Variants in RARB observed in about 807,000 individuals in gnomAD.
The protein encoded by RARB is HBV-activated protein.
Under a neutral mutation model 51.9 loss-of-function variants are expected in RARB, and 17 were observed. The ratio of observed to expected loss-of-function variants is 0.33; its 90% CI spans 0.22 to 0.49. The LOEUF (loss-of-function observed/expected upper bound fraction) is 0.49, where lower values mean the gene tolerates loss of function less well. Ranked by LOEUF, RARB falls within the 20% of genes least tolerant of loss-of-function variation. The probability of loss-of-function intolerance (pLI) is 0.99; values close to 1 mark genes in which losing one functional copy is unlikely to be tolerated. For missense variants in RARB, 369 were observed against 550.8 expected, an observed-to-expected ratio of 0.67 and a Z score of 3.30; for synonymous variants, 215 against 195.4, an observed-to-expected ratio of 1.10 and a Z score of -0.84.
intron 4 of RARB, among the ~76,000 whole-genome samples, chr3:25,147,226 T>C (rs1700208150): frequency 6.6e-6 from 1 of 152,164 alleles, no homozygotes; most frequent in African/African-American, 2.4e-5. Context: ...TAGGTGATTA[T>C]CTTCAGGTGG....
intron 5 of RARB, among the ~76,000 whole-genome samples, chr3:25,253,078 G>T (rs2125402870): frequency 6.6e-6 from 1 of 152,238 alleles, no homozygotes; most frequent in South Asian, 2.1e-4. Context: ...ATTACATGTG[G>T]GAGGTAGATG....
intron 1 of RARB, among the ~76,000 whole-genome samples, chr3:25,430,642 G>A (rs1708166070): frequency 6.6e-6 from 1 of 152,208 alleles, no homozygotes; most frequent in African/African-American, 2.4e-5. Context: ...TCTAGGGAGA[G>A]CGAGCGGTGA....
At chr3:24,961,262 G>A (rs1040205380) in intron 2 of RARB, among the ~76,000 whole-genome samples, 1 of 152,194 alleles carries the variant, frequency 6.6e-6, no homozygotes, top group East Asian at 1.9e-4. Flanking sequence ...CAGGTACCCT[G>A]CTAGAATAGT....
chr3:25,152,718 C>T (rs138251828), intron 4 of RARB, among the ~76,000 whole-genome samples: 147 of 152,286 alleles, frequency 9.7e-4, no homozygotes, highest in African/African-American at 3.4e-3. Flanking sequence ...TTAGACTCTA[C>T]ATAGTTCCTA....
chr3:25,447,424 G>A (rs1439842064), intron 1 of RARB, among the ~76,000 whole-genome samples: 6 of 152,178 alleles, frequency 3.9e-5, no homozygotes, highest in Admixed American at 6.5e-5. Flanking sequence ...GTCTGTTTGC[G>A]TGGGCAGGAG....
At chr3:25,201,620 A>C (rs1266589065) in intron 5 of RARB, among the ~76,000 whole-genome samples, 1 of 152,080 alleles carries the variant, frequency 6.6e-6, no homozygotes, top group Non-Finnish European at 1.5e-5. Flanking sequence ...TACCTAATTT[A>C]TTGAGAGTTT....
At chr3:25,355,022 AG>A (rs1207059444) in intron 5 of RARB, among the ~76,000 whole-genome samples, 1 of 152,150 alleles carries the variant, frequency 6.6e-6, no homozygotes, top group East Asian at 1.9e-4. Context: ...ACTTTGGGCA[AG>A]TTATAGCACC....
chr3:25,170,515 C>T (rs900903395), intron 4 of RARB, among the ~76,000 whole-genome samples: 1 of 151,970 alleles, frequency 6.6e-6, no homozygotes, highest in African/African-American at 2.4e-5. Flanking sequence ...AGCTGAGGGA[C>T]CCACTTTGAG....
intron 5 of RARB, among the ~76,000 whole-genome samples, chr3:25,224,434 C>G (rs1323316013): frequency 6.6e-6 from 1 of 152,112 alleles, no homozygotes; most frequent in Non-Finnish European, 1.5e-5. Flanking sequence ...AAATTCTGTA[C>G]TGGAAGCAGA....
intron 3 of RARB, among the ~76,000 whole-genome samples, chr3:25,080,338 A>T (rs1270528305): frequency 6.6e-5 from 10 of 152,218 alleles, no homozygotes; most frequent in Non-Finnish European, 1.5e-5. Context: ...ATATGTTAAC[A>T]AACACTTCAG....
intron 3 of RARB, among the ~76,000 whole-genome samples, chr3:25,510,055 T>C (rs1007446031): frequency 1.3e-5 from 2 of 152,200 alleles, no homozygotes; most frequent in African/African-American, 4.8e-5. Context: ...TTCATGGTCA[T>C]GAGGGGCTTT....
chr3:25,156,497 C>G (rs999891626), intron 4 of RARB, among the ~76,000 whole-genome samples: 29 of 99,034 alleles, frequency 2.9e-4, no homozygotes, highest in Non-Finnish European at 3.3e-4. Context: ...TCTAATCACA[C>G]AAATTCTAGC....
At chr3:25,000,785 C>T (rs532208560) in intron 2 of RARB, among the ~76,000 whole-genome samples, 3 of 152,232 alleles carry the variant, frequency 2.0e-5, no homozygotes, top group African/African-American at 4.8e-5. Flanking sequence ...TAATTGTACT[C>T]TTACAAATAC....
intron 2 of RARB, among the ~76,000 whole-genome samples, chr3:24,890,901 G>A (rs1703364611): frequency 2.0e-5 from 3 of 152,086 alleles, no homozygotes; most frequent in Non-Finnish European, 2.9e-5. Flanking sequence ...GTGATCTTGG[G>A]CAAATTACTT....
intron 2 of RARB, among the ~76,000 whole-genome samples, chr3:24,984,905 G>T (rs937227163): frequency 1.3e-5 from 2 of 152,190 alleles, no homozygotes; most frequent in African/African-American, 4.8e-5. Flanking sequence ...GCAATTTCCT[G>T]TTCTGAGCTT....
At chr3:24,978,895 A>C (rs6787247) in intron 2 of RARB, among the ~76,000 whole-genome samples, 1 of 151,974 alleles carries the variant, frequency 6.6e-6, no homozygotes, top group Admixed American at 6.6e-5. Flanking sequence ...ATTTAGTGCT[A>C]TATATTTCCC....
intron 2 of RARB, among the ~76,000 whole-genome samples, chr3:24,898,743 C>T (rs1441119544): frequency 1.3e-5 from 2 of 152,162 alleles, no homozygotes; most frequent in Non-Finnish European, 2.9e-5. Flanking sequence ...CCAGTAACCC[C>T]ACTATGGTAG....
Position 25,272,859 on chromosome 3 carries a change from C to T in RARB, c.178+98284C>T, listed in dbSNP as rs1157845361. Among the ~76,000 whole-genome samples the T allele has an allele frequency of 2.0e-5, 3 of 152,176 alleles. No homozygotes were observed. In the East Asian group the frequency reaches 5.8e-4, roughly 29 times the overall value. ...TTGTGTAACTTTGGATACATTCGTC[C>T]CACCTGAGCCTCAGTATCTTCCCCT... On this transcript the variant is annotated intron_variant, in intron 5 of 11. Transcript: ENST00000383772.
At chr3:25,203,451 T>C (rs1490384972) in intron 5 of RARB, among the ~76,000 whole-genome samples, 2 of 152,204 alleles carry the variant, frequency 1.3e-5, no homozygotes, top group East Asian at 1.9e-4. Context: ...AATATTGTTA[T>C]GTGTGAATTT....
Sources: gnomAD v4.1 joint callset for allele counts (sites outside exome capture counted in the v4.1 genomes callset) on GRCh38, gnomAD v4.1.1 for gene constraint, MANE v1.5 for transcripts, NCBI Gene and HGNC (gene_info 2026-07-23, HGNC 2026-07-21) for gene names.